MAMLD1: variants seen among roughly 807,000 people sequenced by gnomAD.
The protein encoded by MAMLD1 is mastermind-like domain-containing protein 1.
MAMLD1 carries 14 observed loss-of-function variants against 45.0 expected under a neutral mutation model. That is an observed-to-expected ratio of 0.31 (90% confidence interval 0.21 to 0.49). The LOEUF is 0.49. Ranked by LOEUF, MAMLD1 falls within the 20% of genes least tolerant of loss-of-function variation. MAMLD1 has a pLI of 0.99. For synonymous variants in MAMLD1, 254 were observed against 247.8 expected (o/e 1.02, Z -0.24); for missense variants, 543 against 603.6 (o/e 0.90, Z 1.05).
chrX:150,480,138 G>T (rs2036709596), intron 5 of MAMLD1, among the ~76,000 whole-genome samples: 1 of 111,706 alleles, frequency 9.0e-6, no homozygotes, highest in African/African-American at 3.3e-5. Context: ...ATCCTTTCCC[G>T]AGTCTATTTG....
rs1378275598 is a variant in MAMLD1 at position 150,371,740 on chromosome X, G to C, written c.-64+8210G>C. On this transcript the variant is annotated intron_variant, in intron 1 of 7. Coordinates refer to ENST00000370401, the MANE Select transcript of MAMLD1 (RefSeq NM_005491.5). ...TCAGCTTCGGCAGCGTGCTGTGACA[G>C]AGTGGGGAGGAGGAAGACAGGACCC... 6.2e-5 allele frequency among the ~76,000 whole-genome samples: 7 copies of C among 112,043 alleles called. No individual in the cohort carries two copies. The East Asian group carries it at 8.4e-4, about 13-fold the overall frequency.
intron 1 of MAMLD1, among the ~76,000 whole-genome samples, chrX:150,419,196 C>T (rs1292348837): frequency 1.9e-5 from 2 of 102,899 alleles, no homozygotes; most frequent in African/African-American, 7.1e-5. Context: ...TATGTAACTG[C>T]CTTCTTTGTC....
At chrX:150,394,129 CTTTTTT>C (rs781904160) in intron 1 of MAMLD1, among the ~76,000 whole-genome samples, 12 of 12,261 alleles carry the variant, frequency 9.8e-4, no homozygotes, top group Non-Finnish European at 1.0e-3. Flanking sequence ...TATCTACATC[CTTTTTT>C]TTTTTTTTTT....
intron 5 of MAMLD1, among the ~76,000 whole-genome samples, chrX:150,476,177 C>T (rs1458330307): frequency 9.0e-6 from 1 of 110,957 alleles, no homozygotes; most frequent in Non-Finnish European, 1.9e-5. Context: ...GTTGCAACAC[C>T]CAGCACTGGT....
chrX:150,412,431 T>C (rs1425156170), intron 1 of MAMLD1, among the ~76,000 whole-genome samples: 1 of 110,950 alleles, frequency 9.0e-6, no homozygotes, highest in East Asian at 2.8e-4. Context: ...CTTTCCCTTC[T>C]TGCATCCCTC....
rs1219085700 is a variant in MAMLD1 at position 150,382,891 on chromosome X, T to A, written c.-64+19361T>A. Among the ~76,000 whole-genome samples the A allele has an allele frequency of 8.7e-3, 289 of 33,338 alleles. 60 individuals carry two copies. Among genetic ancestry groups the A allele is most frequent in the East Asian group, 0.071 (118 of 1,672 alleles). The allele number at this position is 33,338 out of a possible 115,157, so 29.0% of individuals were successfully genotyped here. On this transcript the variant is annotated intron_variant, in intron 1 of 7. Coordinates refer to ENST00000370401, the MANE Select transcript of MAMLD1 (RefSeq NM_005491.5). ...TTTTGTCCCATTTTATTTTATTTTT[T>A]TTTTTTTTTATTTTTTATTTTTTTT... is the stretch of plus-strand genomic sequence containing the variant.
At chrX:150,429,288 G>C (rs1195112274) in intron 1 of MAMLD1, among the ~76,000 whole-genome samples, 1 of 110,102 alleles carries the variant, frequency 9.1e-6, no homozygotes, top group East Asian at 2.9e-4. Context: ...TATTTGGGTG[G>C]GAATTGGTTT....
upstream of MAMLD1, among the ~76,000 whole-genome samples, chrX:150,362,491 A>C (rs1233427058): frequency 9.0e-5 from 8 of 89,151 alleles, no homozygotes; most frequent in East Asian, 6.7e-4. Context: ...TCGTGTCTCT[A>C]CCTCTATCTC....
At chrX:150,434,337 AT>A (rs1374068411) in intron 1 of MAMLD1, among the ~76,000 whole-genome samples, 1 of 110,044 alleles carries the variant, frequency 9.1e-6, no homozygotes, top group Non-Finnish European at 1.9e-5. Context: ...TGTCTTATTA[AT>A]TCTCTGAAAT....
chrX:150,491,681 G>A (rs1314193459), intron 5 of MAMLD1, among the ~76,000 whole-genome samples: 1 of 111,981 alleles, frequency 8.9e-6, no homozygotes, highest in Non-Finnish European at 1.9e-5. Flanking sequence ...TAGAAACAAG[G>A]CTGTTCTTTG....
chrX:150,466,775 C>T (rs1425377922), intron 3 of MAMLD1, among the ~76,000 whole-genome samples: 1 of 111,763 alleles, frequency 8.9e-6, no homozygotes, highest in Non-Finnish European at 1.9e-5. Context: ...GTGCAGCCTC[C>T]TTCCCTTTGC....
intron 1 of MAMLD1, among the ~76,000 whole-genome samples, chrX:150,388,972 A>G (rs2033052705): frequency 8.9e-6 from 1 of 112,042 alleles, no homozygotes; most frequent in African/African-American, 3.2e-5. Context: ...TTTTAGTGCT[A>G]TACATTTCCC....
intron 5 of MAMLD1, among the ~76,000 whole-genome samples, chrX:150,501,300 T>G (rs986110588): frequency 5.3e-5 from 6 of 112,239 alleles, no homozygotes; most frequent in Non-Finnish European, 9.4e-5. Context: ...CATATTGAGG[T>G]CTTCAAAACT....
intron 1 of MAMLD1, among the ~76,000 whole-genome samples, chrX:150,398,749 A>G (rs1411364221): frequency 8.9e-6 from 1 of 111,885 alleles, no homozygotes; most frequent in Non-Finnish European, 1.9e-5. Context: ...GTCCTATGAC[A>G]TAGAAGGTAC....
chrX:150,512,319 G>T lies in MAMLD1; in HGVS notation c.*360G>T, dbSNP rs1490266841. 6 of 1,127,932 alleles carry T rather than the reference G, an allele frequency of 5.3e-6. No individual in the cohort carries two copies. In the African/African-American group the frequency reaches 7.2e-5, roughly 14 times the overall value. The allele number at this position is 1,127,932 out of a possible 1,213,427, so 93.0% of individuals were successfully genotyped here. ...ACCCCACCAGAAGTGCCCCTGCCTG[G>T]GTTCTGTCCCAGCTCCCTGGGCACC... On this transcript the variant is annotated 3_prime_UTR_variant, in exon 8 of 8. Transcript: ENST00000370401.
At chrX:150,448,446 A>C (rs2035560168) in intron 2 of MAMLD1, among the ~76,000 whole-genome samples, 1 of 111,807 alleles carries the variant, frequency 8.9e-6, no homozygotes, top group Non-Finnish European at 1.9e-5. Flanking sequence ...TCACCACTAT[A>C]CTCTAATGCA....
chrX:150,363,174 T>C (rs1159347358), upstream of MAMLD1: 2 of 112,081 alleles, frequency 1.8e-5, no homozygotes, highest in African/African-American at 3.2e-5. Context: ...GCCGTGAGTG[T>C]GAGGGTGTGT....
intron 5 of MAMLD1, among the ~76,000 whole-genome samples, chrX:150,492,251 G>A (rs1433385873): frequency 8.9e-6 from 1 of 112,811 alleles, no homozygotes; most frequent in Non-Finnish European, 1.9e-5. Context: ...CAAGGCTGCA[G>A]GCCATTTGCA....
chrX:150,471,358 G>A lies in MAMLD1; in HGVS notation c.1785G>A (p.Gln595=). 2 of 1,210,623 alleles carry A rather than the reference G, an allele frequency of 1.7e-6. No homozygotes were observed. Among genetic ancestry groups the A allele is most frequent in the East Asian group, 5.9e-5 (2 of 33,794 alleles). Residue 595 remains glutamine (Q), a synonymous_variant, in exon 4 of 8, where the codon CAG becomes CAA. Transcript: ENST00000370401. ...CCTCCACGGCCACTGCCACCTTGCA[G>A]CTGCAGCAGCAGCAGCAGCAACAGC... ...TASSTATATL[Q]LQQQQQQQQQ...
Sources: allele counts gnomAD v4.1 joint callset (sites outside exome capture counted in the v4.1 genomes callset), GRCh38; gene constraint gnomAD v4.1.1; transcripts MANE v1.5; gene names NCBI Gene and HGNC (gene_info 2026-07-23, HGNC 2026-07-21).